The following VWA8 variants were observed in gnomAD, a reference collection of about 807,000 sequenced individuals.
VWA8 encodes the protein von Willebrand factor A domain-containing protein 8.
VWA8 carries 221 observed loss-of-function variants against 241.5 expected under a neutral mutation model. The observed-to-expected ratio is 0.91, with a 90% confidence interval of 0.82 to 1.02. The LOEUF is 1.02. Among genes scored for constraint, VWA8 ranks in the 50% least tolerant of loss-of-function variants. The pLI, the probability that VWA8 is intolerant of heterozygous loss-of-function variation, is 0.00. For missense variants in VWA8, 2,322 were observed against 2,328.7 expected, an observed-to-expected ratio of 1.00 and a Z score of 0.06; for synonymous variants, 852 against 827.1, an observed-to-expected ratio of 1.03 and a Z score of -0.52.
intron 22 of VWA8, 92 bp downstream of exon 22, chr13:41,731,987 AC>A: frequency 9.4e-7 from 1 of 1,068,056 alleles, no homozygotes; most frequent in Non-Finnish European, 1.4e-6. Context: ...ACAGACTAAT[AC>A]GTAATCCATG....
chr13:41,575,170 C>A (rs1206086232), intron 43 of VWA8, among the ~76,000 whole-genome samples: 1 of 152,060 alleles, frequency 6.6e-6, no homozygotes, highest in African/African-American at 2.4e-5. Context: ...AATCGAAAAC[C>A]AAATACTGTA....
At chr13:41,877,101 A>G (rs1217432418) in intron 9 of VWA8, among the ~76,000 whole-genome samples, 1 of 152,058 alleles carries the variant, frequency 6.6e-6, no homozygotes, top group African/African-American at 2.4e-5. Flanking sequence ...AAAAACCTCA[A>G]ATTCAAAAGG....
rs955981986 is a variant in VWA8, at chr13:41,857,434, T to C, written c.1425+8302A>G. Among the ~76,000 whole-genome samples the C allele has an allele frequency of 3.3e-5, 5 of 152,116 alleles. No individual in the cohort carries two copies. In the East Asian group the frequency reaches 9.6e-4, roughly 29 times the overall value. Reference sequence around the variant, plus strand: ...AAAGTACACTTGTGAAGTAACTTACTAAGATAAGGGTTGTAATTTTACAAT... The same window carrying C: ...AAAGTACACTTGTGAAGTAACTTACCAAGATAAGGGTTGTAATTTTACAAT... On this transcript the variant is annotated intron_variant, in intron 12 of 44. Coordinates refer to ENST00000379310, the MANE Select transcript of VWA8 (RefSeq NM_015058.2).
chr13:41,729,501 T>C lies in VWA8; in HGVS notation c.2638+41A>G, dbSNP rs760839141. The C allele has an allele frequency of 1.6e-5, 26 of 1,582,550 alleles. No individual in the cohort carries two copies. The Middle Eastern group carries it at 2.1e-3, about 125-fold the overall frequency. On this transcript the variant is annotated intron_variant, in intron 23 of 44. Transcript: ENST00000379310. ...GTGATTTGATACAGAGATATAAACATTGTATTTATTAAAGGAAACATTGCT... is the reference window on the plus strand; with the variant it reads ...GTGATTTGATACAGAGATATAAACACTGTATTTATTAAAGGAAACATTGCT...
intron 21 of VWA8, among the ~76,000 whole-genome samples, chr13:41,750,886 T>TA (rs72030945): frequency 0.019 from 2,708 of 143,804 alleles, 69 homozygotes; most frequent in African/African-American, 0.06. Context: ...ACATATTTGA[T>TA]AAAAAAAAAA....
intron 1 of VWA8, among the ~76,000 whole-genome samples, chr13:41,960,542 T>C (rs1247100468): frequency 6.6e-6 from 1 of 152,166 alleles, no homozygotes; most frequent in Non-Finnish European, 1.5e-5. Flanking sequence ...ACGAGTATTA[T>C]AACCTAAGTC....
intron 2 of VWA8, among the ~76,000 whole-genome samples, chr13:41,939,731 A>G (rs1438945359): frequency 1.3e-5 from 2 of 152,214 alleles, no homozygotes; most frequent in East Asian, 3.8e-4. Flanking sequence ...TGAAGTTTAG[A>G]TTTCCAGCTA....
intron 19 of VWA8, among the ~76,000 whole-genome samples, chr13:41,778,928 G>A (rs927474096): frequency 3.9e-5 from 5 of 128,034 alleles, no homozygotes; most frequent in East Asian, 2.6e-4. Flanking sequence ...TGCAAGCTCC[G>A]CCTCCTGGGT....
chr13:41,745,074 C>T (rs1167977182), intron 21 of VWA8, among the ~76,000 whole-genome samples: 1 of 152,028 alleles, frequency 6.6e-6, no homozygotes, highest in African/African-American at 2.4e-5. Context: ...CTCCTGACCT[C>T]ATTATCCACC....
chr13:41,934,650 A>C (rs1019882291), intron 2 of VWA8, among the ~76,000 whole-genome samples: 2 of 152,082 alleles, frequency 1.3e-5, no homozygotes, highest in Admixed American at 6.6e-5. Flanking sequence ...GATAAAAGCT[A>C]GACAGAAAAG....
intron 5 of VWA8, among the ~76,000 whole-genome samples, chr13:41,889,173 C>CT (rs1416462424): frequency 1.3e-5 from 2 of 152,090 alleles, no homozygotes; most frequent in African/African-American, 4.8e-5. Context: ...GTGTTAGAAT[C>CT]TTTTTACCAT....
intron 12 of VWA8, among the ~76,000 whole-genome samples, chr13:41,839,196 G>A (rs1000321243): frequency 6.6e-6 from 1 of 152,096 alleles, no homozygotes; most frequent in African/African-American, 2.4e-5. Flanking sequence ...ATTCTAACTG[G>A]CATGAGATAG....
intron 17 of VWA8, among the ~76,000 whole-genome samples, chr13:41,800,809 A>G (rs2137960640): frequency 6.6e-6 from 1 of 151,760 alleles, no homozygotes; most frequent in East Asian, 1.9e-4. Context: ...AAAAAAAAAA[A>G]ACACCGTGTT....
intron 12 of VWA8, among the ~76,000 whole-genome samples, chr13:41,851,641 T>C (rs573354902): frequency 5.7e-4 from 87 of 152,170 alleles, no homozygotes; most frequent in Non-Finnish European, 1.2e-3. Flanking sequence ...GAAGTGACTT[T>C]TGCCTCCCAC....
At chr13:41,742,136 C>T (rs1226084480) in intron 21 of VWA8, among the ~76,000 whole-genome samples, 1 of 152,154 alleles carries the variant, frequency 6.6e-6, no homozygotes, top group Non-Finnish European at 1.5e-5. Flanking sequence ...GTACAGTCCT[C>T]GTTGCCATTT....
rs554942312 is a variant in VWA8 at position 41,950,513 on chromosome 13, C to T, written c.164-500G>A. Among the ~76,000 whole-genome samples, 240 of 147,078 alleles carry T rather than the reference C, an allele frequency of 1.6e-3. 3 individuals are homozygous for T. Among genetic ancestry groups the T allele is most frequent in the African/African-American group, 5.7e-3 (227 of 39,750 alleles). On this transcript the variant is annotated intron_variant, in intron 1 of 44. Transcript: ENST00000379310. ...CCTCCAGAGTAGCTGGGATTACAGG[C>T]GCCTGCCACCATGCCCAGCTAGCTT...
At chr13:41,904,008 GAGC>G (rs1475793716) in intron 4 of VWA8, among the ~76,000 whole-genome samples, 1 of 152,168 alleles carries the variant, frequency 6.6e-6, no homozygotes, top group Non-Finnish European at 1.5e-5. Flanking sequence ...TCATCAGAAT[GAGC>G]AGGATTCACC....
rs768360092 is a variant in VWA8 at position 41,819,229 on chromosome 13, T to C, written c.1858A>G (p.Ile620Val). 1.2e-6 allele frequency: 2 copies of C among 1,600,412 alleles called. No homozygotes were observed. Among genetic ancestry groups the C allele is most frequent in the Non-Finnish European group, 1.7e-6 (2 of 1,176,914 alleles). The change falls in exon 15 of 45, where the codon ATT becomes GTT. Residue 620 changes from isoleucine (I) to valine (V), a missense_variant. Ile to Val is a conservative substitution (Grantham distance 29, BLOSUM62 3). Transcript: ENST00000379310. ...PLVKSEEIQV[I>V]KEKVPNVPQE... ...GGCTTTCTTCTTACCTTTTCCTTAATCACTTGGATTTCTTCACTTTTCACA... is the reference window on the plus strand; with the variant it reads ...GGCTTTCTTCTTACCTTTTCCTTAACCACTTGGATTTCTTCACTTTTCACA...
At chr13:41,784,691 C>CATATAAAT in intron 18 of VWA8, among the ~76,000 whole-genome samples, 1 of 45,462 alleles carries the variant, frequency 2.2e-5, no homozygotes, top group Admixed American at 2.7e-4. Context: ...TATACATATA[C>CATATAAAT]ATATACATAT....
Sources: gnomAD v4.1 joint callset for allele counts (sites outside exome capture counted in the v4.1 genomes callset) on GRCh38, gnomAD v4.1.1 for gene constraint, MANE v1.5 for transcripts, NCBI Gene and HGNC (gene_info 2026-07-23, HGNC 2026-07-21) for gene names.